Variants in DOP1B observed in about 807,000 individuals in gnomAD.
The protein encoded by DOP1B is DOP1 leucine zipper like protein B.
DOP1B carries 174 observed loss-of-function variants against 233.5 expected under a neutral mutation model. The observed-to-expected ratio is 0.75, with a 90% confidence interval of 0.66 to 0.85. The LOEUF (loss-of-function observed/expected upper bound fraction) is 0.85. Among genes scored for constraint, DOP1B ranks in the 40% least tolerant of loss-of-function variants. The pLI, the probability that DOP1B is intolerant of heterozygous loss-of-function variation, is 0.00. For synonymous variants in DOP1B, 1,190 were observed against 1,185.6 expected, an observed-to-expected ratio of 1.00 and a Z score of -0.08; for missense variants, 2,652 against 2,846.6, an observed-to-expected ratio of 0.93 and a Z score of 1.56.
chr21:36,278,396 C>A (rs768937871), intron 30 of DOP1B, 41 bp downstream of exon 30: 1 of 1,572,844 alleles, frequency 6.4e-7, no homozygotes, highest in South Asian at 1.2e-5. Context: ...TCTGAATCTT[C>A]AGGTGGAAAT....
At chr21:36,197,422 G>A (rs1052557167) in intron 2 of DOP1B, among the ~76,000 whole-genome samples, 1 of 152,184 alleles carries the variant, frequency 6.6e-6, no homozygotes, top group Admixed American at 6.5e-5. Flanking sequence ...TGGTCATGAG[G>A]CTGAGGGCCC....
intron 18 of DOP1B, among the ~76,000 whole-genome samples, chr21:36,241,338 C>G (rs531766696): frequency 1.3e-5 from 2 of 151,862 alleles, no homozygotes; most frequent in South Asian, 4.2e-4. Context: ...CTCTGCCTAG[C>G]AAGCTCACTT....
chr21:36,257,411 C>T lies in DOP1B; in HGVS notation c.5260-3266C>T, dbSNP rs114469728. Among the ~76,000 whole-genome samples the T allele has an allele frequency of 1.9e-3, 286 of 152,330 alleles. 1 individual carries two copies. The Middle Eastern group carries it at 0.024, about 13-fold the overall frequency. On this transcript the variant is annotated intron_variant, in intron 23 of 36. Transcript: ENST00000691173. ...CTAGCAGGGCCTGCCTGTTCAGATT[C>T]TTCTTGGCCTGTCTGCACAGCACTG...
chr21:36,192,573 C>T (rs2066245101), intron 2 of DOP1B, among the ~76,000 whole-genome samples: 1 of 151,490 alleles, frequency 6.6e-6, no homozygotes, highest in South Asian at 2.1e-4. Flanking sequence ...TAGTAGAGGC[C>T]GGTTTTTGCC....
chr21:36,241,503 CTTTTTT>C (rs1165636640), intron 18 of DOP1B, among the ~76,000 whole-genome samples: 1 of 76,472 alleles, frequency 1.3e-5, no homozygotes, highest in Admixed American at 1.9e-4. Context: ...TTATCTTAAT[CTTTTTT>C]TTTTTTTTTT....
intron 24 of DOP1B, among the ~76,000 whole-genome samples, chr21:36,262,544 A>T (rs1398919308): frequency 1.3e-5 from 2 of 152,110 alleles, no homozygotes; most frequent in Non-Finnish European, 2.9e-5. Flanking sequence ...CTGACAGGTG[A>T]TGCTGTGTTA....
At chr21:36,257,940 GAGAT>G (rs1429230082) in intron 23 of DOP1B, among the ~76,000 whole-genome samples, 11 of 144,896 alleles carry the variant, frequency 7.6e-5, no homozygotes, top group Non-Finnish European at 1.5e-4. Context: ...GGTAGATAGG[GAGAT>G]AGATGTAGGT....
Position 36,223,221 on chromosome 21 carries a change from C to G in DOP1B, c.1251-10C>G. On this transcript the variant is annotated splice_polypyrimidine_tract_variant and intron_variant, in intron 10 of 36. Coordinates refer to ENST00000691173, the MANE Select transcript of DOP1B (RefSeq NM_001320714.2). ...ATAGACATATTTATTCATGTCCTCC[C>G]CTTTTACAGTGCAATCAAGGAAAAC... is the stretch of plus-strand genomic sequence containing the variant. 1 of 1,585,766 alleles carries G rather than the reference C, an allele frequency of 6.3e-7. No homozygotes were observed. The highest frequency in any genetic ancestry group is 8.5e-7 in the Non-Finnish European group (1 of 1,171,670).
chr21:36,191,265 AAAAC>A (rs2066231338), intron 2 of DOP1B, among the ~76,000 whole-genome samples: 2 of 152,122 alleles, frequency 1.3e-5, no homozygotes, highest in South Asian at 2.1e-4. Flanking sequence ...GAAAAAAAAA[AAAAC>A]AAAAAACAGA....
chr21:36,276,595 C>T (rs1024449639), intron 27 of DOP1B, among the ~76,000 whole-genome samples: 2 of 151,936 alleles, frequency 1.3e-5, no homozygotes, highest in African/African-American at 4.8e-5. Flanking sequence ...AATCTCAGCA[C>T]TTTGGGAGAC....
chr21:36,237,496 G>A lies in DOP1B; in HGVS notation c.2775+82G>A, dbSNP rs150478033. On this transcript the variant is annotated intron_variant, in intron 16 of 36. Coordinates refer to ENST00000691173, the MANE Select transcript of DOP1B (RefSeq NM_001320714.2). ...GCCCTTAGCCAACTGACATCCATTCGGTCGAAGTCTTTCTGGGGCTGAGTG... is the reference window on the plus strand; with the variant it reads ...GCCCTTAGCCAACTGACATCCATTCAGTCGAAGTCTTTCTGGGGCTGAGTG... 42 of 1,551,516 alleles carry A rather than the reference G, an allele frequency of 2.7e-5. No homozygotes were observed. The Admixed American group carries it at 4.4e-4, about 16-fold the overall frequency.
chr21:36,213,831 C>T (rs930824715), intron 7 of DOP1B, among the ~76,000 whole-genome samples: 2 of 152,034 alleles, frequency 1.3e-5, no homozygotes, highest in East Asian at 2.0e-4. Flanking sequence ...TGAGCCACCG[C>T]GCCCAGCCAA....
intron 27 of DOP1B, among the ~76,000 whole-genome samples, chr21:36,272,411 A>T (rs1178412891): frequency 6.6e-6 from 1 of 152,128 alleles, no homozygotes; most frequent in Non-Finnish European, 1.5e-5. Flanking sequence ...GGACTTTGGG[A>T]GGCCAAGGTG....
In DOP1B at chr21:36,288,033, C is replaced by T. The variant is rs765446600; in HGVS notation, c.6180C>T (p.Leu2060=). 1.6e-5 allele frequency: 26 copies of T among 1,613,354 alleles called. No individual in the cohort carries two copies. Among genetic ancestry groups the T allele is most frequent in the South Asian group, 7.7e-5 (7 of 90,826 alleles). ...PLIQERLTDN[L]RVGQTSIVAA... ...CCTTAGAACGCCTGACAGACAATCT[C>T]AGAGTTGGACAGACATCCATAGTTG... Residue 2060 remains leucine (L), a synonymous_variant, in exon 33 of 37, where the codon CTC becomes CTT. Coordinates refer to ENST00000691173, the MANE Select transcript of DOP1B (RefSeq NM_001320714.2).
rs766998376 is a variant in DOP1B, at chr21:36,293,325, C to G, written c.6651C>G (p.Ile2217Met). 3.7e-6 allele frequency: 6 copies of G among 1,612,780 alleles called. No homozygotes were observed. The South Asian group carries it at 4.4e-5, about 12-fold the overall frequency. Residue 2217 changes from isoleucine to methionine, a missense_variant, in exon 37 of 37, where the codon ATC becomes ATG. Ile to Met is a conservative substitution (Grantham distance 10). Around this residue, in one of 3 missense-constraint regions of DOP1B, gnomAD observed 2,617 missense variants for 2,794.3 expected, o/e 0.94. Coordinates refer to ENST00000691173, the MANE Select transcript of DOP1B (RefSeq NM_001320714.2). Reference protein sequence around the residue: ...LELLKLKFGEISSSDEITMKS... With the variant: ...LELLKLKFGEMSSSDEITMKS... ...TGGGTTTGTTTTTTCTGCAGGAAAT[C>G]AGTAGCTCTGATGAGATCACCATGA...
At chr21:36,224,899 T>G (rs1003197675) in intron 11 of DOP1B, among the ~76,000 whole-genome samples, 2 of 151,928 alleles carry the variant, frequency 1.3e-5, no homozygotes, top group Admixed American at 1.3e-4. Context: ...TACAGCAGGG[T>G]GAACAGCCAT....
intron 2 of DOP1B, among the ~76,000 whole-genome samples, chr21:36,165,182 G>A (rs1020301153): frequency 2.6e-5 from 4 of 152,048 alleles, no homozygotes; most frequent in East Asian, 3.9e-4. Flanking sequence ...TATAGTGTTC[G>A]TATAGTTGAA....
chr21:36,158,582 A>T (rs1327928113), intron 1 of DOP1B, among the ~76,000 whole-genome samples: 3 of 152,144 alleles, frequency 2.0e-5, no homozygotes, highest in South Asian at 2.1e-4. Flanking sequence ...GAGGGGGTGG[A>T]TCACAAGGTC....
chr21:36,193,123 G>A (rs1303745863), intron 2 of DOP1B, among the ~76,000 whole-genome samples: 1 of 152,216 alleles, frequency 6.6e-6, no homozygotes, highest in Non-Finnish European at 1.5e-5. Context: ...GAACAGTGTT[G>A]AAGGGGTGAA....
Sources: allele counts gnomAD v4.1 joint callset (sites outside exome capture counted in the v4.1 genomes callset), GRCh38; gene constraint gnomAD v4.1.1; regional missense constraint gnomAD v4.1.1; transcripts MANE v1.5; gene names NCBI Gene and HGNC (gene_info 2026-07-23, HGNC 2026-07-21).